The following PGAP6 variants were observed in gnomAD, a reference collection of about 807,000 sequenced individuals.
PGAP6 encodes the protein post-GPI attachment to proteins factor 6.
PGAP6 carries 62 observed loss-of-function variants against 68.4 expected under a neutral mutation model. That is an observed-to-expected ratio of 0.91 (90% CI 0.74 to 1.12). PGAP6 has a LOEUF of 1.12. Among genes scored for constraint, PGAP6 ranks in the 50% most tolerant of loss-of-function variants. The probability of loss-of-function intolerance (pLI) is 0.00; values close to 1 mark genes in which losing one functional copy is unlikely to be tolerated. For synonymous variants in PGAP6, 575 were observed against 474.0 expected (o/e 1.21, Z -2.77); for missense variants, 1,188 against 1,068.5 (o/e 1.11, Z -1.56).
At chr16:385,196 T>C (rs926091571), upstream of PGAP6, among the ~76,000 whole-genome samples, 4 of 150,584 alleles carry the variant, frequency 2.7e-5, no homozygotes, top group South Asian at 8.4e-4. Context: ...TGGAGAACAC[T>C]AAGGCCTAGA....
upstream of PGAP6, chr16:382,038 C>T (rs2054445539): frequency 4.5e-6 from 3 of 664,658 alleles, no homozygotes; most frequent in South Asian, 7.6e-5. Flanking sequence ...GGTCGGGGGG[C>T]GGGACCGGGG....
intron 1 of PGAP6, among the ~76,000 whole-genome samples, 168 bp from the exon 2 acceptor site, chr16:378,016 T>A (rs2054402408): frequency 6.6e-6 from 1 of 152,024 alleles, no homozygotes; most frequent in Non-Finnish European, 1.5e-5. Flanking sequence ...CTCTGGCCCC[T>A]CAGCCAGATC....
At chr16:373,310 C>G (rs1567322522) in intron 11 of PGAP6, among the ~76,000 whole-genome samples, 2 of 152,352 alleles carry the variant, frequency 1.3e-5, no homozygotes, top group East Asian at 3.9e-4. Context: ...GCAGAGCATG[C>G]AGCTCACAAG....
upstream of PGAP6, among the ~76,000 whole-genome samples, chr16:384,049 G>A (rs1170165803): frequency 2.0e-5 from 3 of 152,254 alleles, no homozygotes; most frequent in Non-Finnish European, 1.5e-5. Flanking sequence ...TCATTTTAAA[G>A]GCACGGAGGT....
rs752273130 is a variant in PGAP6 at position 374,394 on chromosome 16, G to A, written c.1582C>T (p.Arg528Cys). 69 of 1,567,692 alleles carry A rather than the reference G, an allele frequency of 4.4e-5. No homozygotes were observed. The highest frequency in any genetic ancestry group is 2.0e-4 in the East Asian group (9 of 44,380). Residue 528 changes from arginine to cysteine, a missense_variant, in exon 10 of 13, where the codon CGT becomes TGT. By Grantham distance (180) the Arg-to-Cys change is radical. Transcript: ENST00000431232. ...YASCSCKAGW[R>C]GWSCTDNSTA... ...CTGTTGTCCGTGCAGCTCCACCCAC[G>A]CCAGCCTGCGGTCACAAAACCCCGA...
chr16:380,506 A>G (rs966079228), intron 1 of PGAP6, among the ~76,000 whole-genome samples: 2 of 151,902 alleles, frequency 1.3e-5, no homozygotes, highest in African/African-American at 4.8e-5. Context: ...GGCTGGGATT[A>G]CAGGCATGCG....
rs1292167078 is a variant in PGAP6 at position 378,276 on chromosome 16, C to CCG, written c.122-429_122-428insCG. On this transcript the variant is annotated intron_variant, in intron 1 of 12. Coordinates refer to ENST00000431232, the MANE Select transcript of PGAP6 (RefSeq NM_021259.3). ...TCCCCACCCGCACTGCCATCCCCAC[C>CCG]CACACTGCCATCGCCACCCGCACTG... 1.5e-4 allele frequency among the ~76,000 whole-genome samples: 22 copies of CCG among 145,470 alleles called. 3 individuals carry two copies. Among genetic ancestry groups the CCG allele is most frequent in the African/African-American group, 3.9e-4 (15 of 38,680 alleles).
At chr16:382,030 TCGGGGGG>T (rs2054445303), upstream of PGAP6, 2 of 741,472 alleles carry the variant, frequency 2.7e-6, no homozygotes, top group Non-Finnish European at 3.4e-6. Flanking sequence ...GAGGGCGGGG[TCGGGGGG>T]CGGGACCGGG....
Position 371,641 on chromosome 16 carries a change from G to A in PGAP6, c.*346C>T. 3.3e-6 allele frequency: 1 copy of A among 299,012 alleles called. No homozygotes were observed. The highest frequency in any genetic ancestry group is 3.3e-5 in the South Asian group (1 of 30,214). 18.5% of individuals were successfully genotyped at this position (299,012 alleles called of 1,614,324 possible). Reference sequence around the variant, plus strand: ...AGCCTCGCCAGGGAACAGGACCATAGGGAGTCCTTCTCCCCATCTCTAGCC... The same window carrying A: ...AGCCTCGCCAGGGAACAGGACCATAAGGAGTCCTTCTCCCCATCTCTAGCC... On this transcript the variant is annotated 3_prime_UTR_variant, in exon 13 of 13. Coordinates refer to ENST00000431232, the MANE Select transcript of PGAP6 (RefSeq NM_021259.3).
At chr16:385,403 C>T (rs1233659181), upstream of PGAP6, among the ~76,000 whole-genome samples, 1 of 148,098 alleles carries the variant, frequency 6.8e-6, no homozygotes, top group African/African-American at 2.5e-5. Context: ...GCTCCACCTC[C>T]CGGGTTCACG....
Position 376,347 on chromosome 16 carries a change from AGGTCCT to A in PGAP6, c.1007_1012del (p.Gln336_Asp337del). 3 of 1,612,534 alleles carry A rather than the reference AGGTCCT, an allele frequency of 1.9e-6. No homozygotes were observed. The highest frequency in any genetic ancestry group is 1.7e-6 in the Non-Finnish European group (2 of 1,179,824). ...GCGGTCCACCCTGCCACTCCTGCCC[AGGTCCT>A]GGTGGTCGGGGCTCGGGGACAGCAG... On this transcript the variant is annotated inframe_deletion, in exon 6 of 13. Transcript: ENST00000431232.
In PGAP6 at chr16:377,684, C is replaced by A. The variant is rs367909295; in HGVS notation, c.286G>T (p.Ala96Ser). Residue 96 changes from alanine to serine, a missense_variant, in exon 2 of 13, where the codon GCG becomes TCG. Coordinates refer to ENST00000431232, the MANE Select transcript of PGAP6 (RefSeq NM_021259.3). ...SRESGAACTD[A>S]EITVHFRSGA... ...GCAGCCACCTACACGGTGATCTCCG[C>A]GTCGGTGCAGGCAGCGCCGCTCTCC... 6.3e-7 allele frequency: 1 copy of A among 1,586,600 alleles called. No individual in the cohort carries two copies. Among genetic ancestry groups the A allele is most frequent in the East Asian group, 2.3e-5 (1 of 43,332 alleles).
intron 11 of PGAP6, among the ~76,000 whole-genome samples, 184 bp from the exon 12 acceptor site, chr16:372,911 C>G (rs945494740): frequency 3.0e-4 from 45 of 152,202 alleles, no homozygotes; most frequent in Non-Finnish European, 5.0e-4. Flanking sequence ...CCTCCTTCAG[C>G]TTCTGTATTG....
chr16:376,926 C>G, intron 4 of PGAP6, 111 bp downstream of exon 4: 1 of 1,559,170 alleles, frequency 6.4e-7, no homozygotes, highest in South Asian at 1.2e-5. Flanking sequence ...GGCATCTGGA[C>G]CACTTCCCAG....
Position 371,912 on chromosome 16 carries a change from G to A in PGAP6, c.*75C>T, listed in dbSNP as rs17136392. On this transcript the variant is annotated 3_prime_UTR_variant, in exon 13 of 13. Transcript: ENST00000431232. The stretch of plus-strand genomic sequence containing the variant: ...GCTGGAAATCAATCTGTCCAGGGCT[G>A]GACCAGGCGCCTCCCCCTCGATACA... 0.1 allele frequency: 157,140 copies of A among 1,509,240 alleles called. 9,362 individuals carry two copies. Among genetic ancestry groups the A allele is most frequent in the African/African-American group, 0.24 (17,597 of 72,860 alleles). The allele number at this position is 1,509,240 out of a possible 1,614,324, so 93.5% of individuals were successfully genotyped here. A position where few individuals can be genotyped will look rare whatever the true frequency, so the allele number is the denominator to read the frequency against.
In PGAP6 at chr16:376,212, G is replaced by A. The variant is rs2054381206; in HGVS notation, c.1148C>T (p.Pro383Leu). 1.2e-6 allele frequency: 2 copies of A among 1,612,700 alleles called. No individual in the cohort carries two copies. Among genetic ancestry groups the A allele is most frequent in the South Asian group, 1.1e-5 (1 of 91,084 alleles). The change falls in exon 6 of 13, where the codon CCC becomes CTC. Residue 383 changes from proline (P) to leucine (L), a missense_variant. Transcript: ENST00000431232. Reference protein sequence around the residue: ...RVSVRVCSDTPSVMRLRLNTG... With the variant: ...RVSVRVCSDTLSVMRLRLNTG... Reference sequence around the variant, plus strand: ...GTTCAGGCGCAGCCGCATCACGGAGGGCGTGTCCGAACACACCCTCACCGA... The same window carrying A: ...GTTCAGGCGCAGCCGCATCACGGAGAGCGTGTCCGAACACACCCTCACCGA...
upstream of PGAP6, chr16:386,585 C>A: frequency 3.0e-6 from 1 of 333,754 alleles, no homozygotes; most frequent in Non-Finnish European, 5.7e-6. Flanking sequence ...ATCAGAGTTT[C>A]ACAGACAGAA....
Position 376,800 on chromosome 16 carries a change from G to A in PGAP6, c.648C>T (p.Pro216=), listed in dbSNP as rs551214016. The A allele has an allele frequency of 1.5e-5, 24 of 1,606,932 alleles. No individual in the cohort carries two copies. Among genetic ancestry groups the A allele is most frequent in the South Asian group, 9.9e-5 (9 of 91,004 alleles). ...CCAGCAGAAGCTCCCGCGTGTAATC[G>A]GGGACAAAGACCCTGCAGCGAGGGG... ...SHPSYLKVFV[P]DYTRELLLEL... is the part of the protein sequence containing the mutation. Residue 216 remains proline (P), a synonymous_variant, in exon 5 of 13, where the codon CCC becomes CCT. Coordinates refer to ENST00000431232, the MANE Select transcript of PGAP6 (RefSeq NM_021259.3).
intron 6 of PGAP6, 124 bp from the exon 7 acceptor site, chr16:375,559 G>A (rs893388103): frequency 2.6e-6 from 2 of 767,600 alleles, no homozygotes; most frequent in African/African-American, 3.5e-5. Context: ...CTGAGATGGA[G>A]TCTTGCTCTG....
Sources: gnomAD v4.1 joint callset for allele counts (sites outside exome capture counted in the v4.1 genomes callset) on GRCh38, gnomAD v4.1.1 for gene constraint, MANE v1.5 for transcripts, NCBI Gene and HGNC (gene_info 2026-07-23, HGNC 2026-07-21) for gene names.